Variants in CDH12 observed in about 807,000 individuals in gnomAD.
CDH12 encodes the protein cadherin 12, also known as cadherin-12.
In CDH12, 41 loss-of-function variants were observed where a neutral mutation model predicts 74.1. The ratio of observed to expected loss-of-function variants is 0.55; its 90% CI spans 0.43 to 0.72. CDH12 has a LOEUF of 0.72. Among genes scored for constraint, CDH12 ranks in the 30% least tolerant of loss-of-function variants. The pLI is 0.00. For synonymous variants in CDH12, 399 were observed against 355.0 expected (o/e 1.12, Z -1.39); for missense variants, 945 against 977.2 (o/e 0.97, Z 0.44).
At chr5:22,696,328 G>A (rs890020013) in intron 1 of CDH12, among the ~76,000 whole-genome samples, 16 of 132,804 alleles carry the variant, frequency 1.2e-4, no homozygotes, top group Non-Finnish European at 1.4e-4. Flanking sequence ...CCGAGATGGC[G>A]CCACTGCACT....
At chr5:22,357,454 A>G (rs535152475) in intron 3 of CDH12, among the ~76,000 whole-genome samples, 31 of 152,310 alleles carry the variant, frequency 2.0e-4, no homozygotes, top group East Asian at 7.7e-4. Context: ...AATCCATAAA[A>G]AAAACCATCA....
chr5:22,809,750 C>CT (rs1749038281), intron 1 of CDH12, among the ~76,000 whole-genome samples: 2 of 151,904 alleles, frequency 1.3e-5, no homozygotes, highest in South Asian at 4.1e-4. Context: ...AACAAAACCT[C>CT]TTTTTTTAAG....
chr5:21,996,933 G>C (rs553447778), intron 5 of CDH12, among the ~76,000 whole-genome samples: 1 of 152,022 alleles, frequency 6.6e-6, no homozygotes, highest in Non-Finnish European at 1.5e-5. Context: ...AGATAGAAGC[G>C]TCATTATCTG....
At chr5:22,252,921 A>G (rs1197663958) in intron 3 of CDH12, among the ~76,000 whole-genome samples, 1 of 151,894 alleles carries the variant, frequency 6.6e-6, no homozygotes, top group Non-Finnish European at 1.5e-5. Flanking sequence ...TCAGATGTGT[A>G]ATTTAATATT....
At chr5:22,478,678 T>C (rs1266644171) in intron 2 of CDH12, among the ~76,000 whole-genome samples, 1 of 151,906 alleles carries the variant, frequency 6.6e-6, no homozygotes, top group African/African-American at 2.4e-5. Context: ...GCTTACTAGA[T>C]AGGTTGAATT....
At chr5:21,792,456 C>T (rs1421351153) in intron 10 of CDH12, among the ~76,000 whole-genome samples, 1 of 151,726 alleles carries the variant, frequency 6.6e-6, no homozygotes, top group Non-Finnish European at 1.5e-5. Context: ...AGTCTTCTGT[C>T]TTTAAATTTC....
At position 22,506,686 on chromosome 5, in the gene CDH12, C is replaced by A. The variant is rs141619545; in HGVS notation, c.-522-1322G>T. ...TCTGACTACTAGTTATGGTTCCTTG[C>A]CACTGGGGTGCCATTACTTCTAAGC... On this transcript the variant is annotated intron_variant, in intron 1 of 14. Coordinates refer to ENST00000382254, the MANE Select transcript of CDH12 (RefSeq NM_004061.5). Among the ~76,000 whole-genome samples the A allele has an allele frequency of 8.0e-3, 1,221 of 152,028 alleles. 15 individuals carry two copies. The highest frequency in any genetic ancestry group is 0.028 in the African/African-American group (1,180 of 41,466).
At chr5:22,631,178 C>T (rs1186824834) in intron 1 of CDH12, among the ~76,000 whole-genome samples, 1 of 152,204 alleles carries the variant, frequency 6.6e-6, no homozygotes, top group African/African-American at 2.4e-5. Context: ...TGCTTATACA[C>T]TGCTGGTGGG....
chr5:22,322,541 G>A (rs772132517), intron 3 of CDH12, among the ~76,000 whole-genome samples: 1 of 152,174 alleles, frequency 6.6e-6, no homozygotes, highest in East Asian at 1.9e-4. Context: ...TGATGATGAT[G>A]ATGACGATGA....
At chr5:22,329,676 C>T (rs1739265077) in intron 3 of CDH12, among the ~76,000 whole-genome samples, 2 of 152,124 alleles carry the variant, frequency 1.3e-5, no homozygotes, top group Admixed American at 1.3e-4. Context: ...CAGCAGCGGC[C>T]CTGATACATA....
intron 4 of CDH12, among the ~76,000 whole-genome samples, chr5:22,098,957 T>C (rs1245914522): frequency 6.6e-6 from 1 of 152,116 alleles, no homozygotes; most frequent in Non-Finnish European, 1.5e-5. Flanking sequence ...AAGAAATAAC[T>C]TCTCAGTGTT....
intron 6 of CDH12, among the ~76,000 whole-genome samples, chr5:21,948,593 C>T (rs562905163): frequency 6.6e-6 from 1 of 151,974 alleles, no homozygotes; most frequent in Non-Finnish European, 1.5e-5. Context: ...TCAGATGAGA[C>T]TTTGAACTGT....
rs1360664475 is a variant in CDH12 at position 22,443,585 on chromosome 5, G to A, written c.-427-38234C>T. Among the ~76,000 whole-genome samples, 3 of 152,008 alleles carry A rather than the reference G, an allele frequency of 2.0e-5. No homozygotes were observed. The East Asian group carries it at 5.8e-4, about 29-fold the overall frequency. Reference sequence around the variant, plus strand: ...AAATATGGATTTTGATTCTATGGCTGCATTTAATTTAAAATATATCCTCAG... The same window carrying A: ...AAATATGGATTTTGATTCTATGGCTACATTTAATTTAAAATATATCCTCAG... On this transcript the variant is annotated intron_variant, in intron 2 of 14. Coordinates refer to ENST00000382254, the MANE Select transcript of CDH12 (RefSeq NM_004061.5).
intron 2 of CDH12, among the ~76,000 whole-genome samples, chr5:22,503,331 A>T (rs936996153): frequency 6.6e-6 from 1 of 152,134 alleles, no homozygotes; most frequent in Non-Finnish European, 1.5e-5. Context: ...GGGTGGTAAC[A>T]TCATAAACAG....
intron 8 of CDH12, among the ~76,000 whole-genome samples, chr5:21,839,177 C>T (rs1749702179): frequency 6.6e-6 from 1 of 152,136 alleles, no homozygotes; most frequent in Non-Finnish European, 1.5e-5. Context: ...GTGTCGAGAT[C>T]ATATTAGTCA....
intron 1 of CDH12, among the ~76,000 whole-genome samples, chr5:22,807,079 T>C (rs1339537521): frequency 6.6e-6 from 1 of 152,172 alleles, no homozygotes; most frequent in Non-Finnish European, 1.5e-5. Context: ...TTGCCTAGAT[T>C]TTCTTGTAGG....
chr5:22,328,371 A>T (rs1739212512), intron 3 of CDH12, among the ~76,000 whole-genome samples: 2 of 152,212 alleles, frequency 1.3e-5, no homozygotes. Context: ...GCTTAGGTTG[A>T]AATTTGTTTA....
chr5:22,447,871 G>C (rs1427409727), intron 2 of CDH12, among the ~76,000 whole-genome samples: 1 of 151,458 alleles, frequency 6.6e-6, no homozygotes, highest in African/African-American at 2.4e-5. Flanking sequence ...GCTGAGCATG[G>C]TGGCTCATGC....
chr5:21,953,304 C>G (rs1453162131), intron 6 of CDH12, among the ~76,000 whole-genome samples: 1 of 152,286 alleles, frequency 6.6e-6, no homozygotes, highest in East Asian at 1.9e-4. Flanking sequence ...GACGTACAAG[C>G]TCCTCCCCTG....
Sources: gnomAD v4.1 joint callset for allele counts (sites outside exome capture counted in the v4.1 genomes callset) on GRCh38, gnomAD v4.1.1 for gene constraint, MANE v1.5 for transcripts, NCBI Gene and HGNC (gene_info 2026-07-23, HGNC 2026-07-21) for gene names.